Variants in DPP3 observed in about 807,000 individuals in gnomAD.
The protein encoded by DPP3 is dipeptidyl peptidase 3.
A neutral mutation model predicts 89.8 loss-of-function variants in DPP3; 64 were observed. The observed-to-expected ratio is 0.71, with a 90% confidence interval of 0.58 to 0.88. DPP3 has a LOEUF of 0.88. DPP3 is among the 40% of genes least tolerant of loss of function. The pLI, the probability that DPP3 is intolerant of heterozygous loss-of-function variation, is 0.00. For missense variants in DPP3, 835 were observed against 972.5 expected (o/e 0.86, Z 1.88); for synonymous variants, 377 against 404.3 (o/e 0.93, Z 0.81).
At chr11:66,508,975 T>C in intron 17 of DPP3, 104 bp from the exon 18 acceptor site, 1 of 1,451,710 alleles carries the variant, frequency 6.9e-7, no homozygotes, top group Non-Finnish European at 9.3e-7. Flanking sequence ...CAGAGCTCAG[T>C]AAGAAACAGC....
At chr11:66,492,974 CCA>C (rs1278797794) in intron 10 of DPP3, 64 bp downstream of exon 10, 30 of 1,599,120 alleles carry the variant, frequency 1.9e-5, no homozygotes, top group Non-Finnish European at 2.5e-5. Flanking sequence ...CCCTCCCTGT[CCA>C]CACACACACC....
chr11:66,500,447 G>C (rs1855650233), intron 16 of DPP3, among the ~76,000 whole-genome samples: 1 of 152,078 alleles, frequency 6.6e-6, no homozygotes, highest in Admixed American at 6.6e-5. Context: ...AGAGGAAAAT[G>C]AATAGCCCTT....
rs200403555 is a variant in DPP3, at chr11:66,495,261, G to A, written c.1445G>A (p.Gly482Asp). ...DQETVINPET[G>D]EQIQSWYRSG... ...GAAACAGTGATCAACCCAGAGACGG[G>A]CGAGCAGGTGAGGGAGGCCTCAGCA... The change falls in exon 13 of 18, where the codon GGC (glycine) becomes GAC (aspartate). Residue 482 changes from glycine to aspartate, a missense_variant. Gly to Asp is a moderately conservative substitution (Grantham distance 94). Coordinates refer to ENST00000531863, the MANE Select transcript of DPP3 (RefSeq NM_130443.4). The A allele has an allele frequency of 2.5e-6, 4 of 1,613,256 alleles. No homozygotes were observed. The Admixed American group carries it at 6.7e-5, about 27-fold the overall frequency.
At chr11:66,507,727 C>T (rs960742604) in intron 17 of DPP3, among the ~76,000 whole-genome samples, 1 of 150,312 alleles carries the variant, frequency 6.7e-6, no homozygotes, top group African/African-American at 2.4e-5. Flanking sequence ...CACTCTGTCC[C>T]GCAGGCAGTG....
intron 17 of DPP3, among the ~76,000 whole-genome samples, chr11:66,505,261 G>A (rs781487661): frequency 6.6e-6 from 1 of 152,172 alleles, no homozygotes; most frequent in African/African-American, 2.4e-5. Flanking sequence ...TGGCCACACG[G>A]TGCTTGTATC....
chr11:66,493,548 A>G lies in DPP3; in HGVS notation c.1304A>G (p.Tyr435Cys). The change falls in exon 12 of 18, where the codon TAC becomes TGC. Residue 435 changes from tyrosine to cysteine, a missense_variant. By Grantham distance (194) the Tyr-to-Cys change is radical. Transcript: ENST00000531863. ...TFLEEDDKDL[Y>C]ILWKGPSFDV... ...CTCTGCTTGTCTTGGCAGGACCTGT[A>G]CATCCTCTGGAAGGGGCCCTCCTTC... 5 of 1,613,088 alleles carry G rather than the reference A, an allele frequency of 3.1e-6. No homozygotes were observed. Among genetic ancestry groups the G allele is most frequent in the Non-Finnish European group, 4.2e-6 (5 of 1,179,896 alleles).
rs138010216 is a variant in DPP3, at chr11:66,491,724, G to A, written c.956G>A (p.Arg319His). The change falls in exon 9 of 18, where the codon CGC becomes CAC. Residue 319 changes from arginine (R) to histidine (H), a missense_variant. Arg to His is a conservative substitution (Grantham distance 29, BLOSUM62 0). Transcript: ENST00000531863. ...ESYIGFIESY[R>H]DPFGSRGEFE... Reference sequence around the variant, plus strand: ...TACATCGGGTTCATCGAGAGCTACCGCGACCCCTTTGGTTCCCGAGGAGAA... The same window carrying A: ...TACATCGGGTTCATCGAGAGCTACCACGACCCCTTTGGTTCCCGAGGAGAA... 12 of 1,604,922 alleles carry A rather than the reference G, an allele frequency of 7.5e-6. No individual in the cohort carries two copies. The African/African-American group carries it at 8.4e-5, about 11-fold the overall frequency.
intron 17 of DPP3, among the ~76,000 whole-genome samples, chr11:66,508,372 T>A (rs1855855592): frequency 6.6e-6 from 1 of 152,156 alleles, no homozygotes; most frequent in South Asian, 2.1e-4. Flanking sequence ...GCAGCTCCTT[T>A]ACAGATGAGG....
intron 15 of DPP3, 59 bp downstream of exon 15, chr11:66,495,809 C>T (rs963786453): frequency 1.9e-6 from 3 of 1,554,582 alleles, no homozygotes; most frequent in Non-Finnish European, 2.6e-6. Flanking sequence ...GTGCCAAGAT[C>T]AGGGTGCAAG....
intron 3 of DPP3, among the ~76,000 whole-genome samples, 180 bp downstream of exon 3, chr11:66,485,442 G>A (rs902790889): frequency 2.0e-5 from 3 of 152,182 alleles, no homozygotes; most frequent in Non-Finnish European, 4.4e-5. Flanking sequence ...CGGCCTCTTC[G>A]TGTATAAAGG....
At chr11:66,500,507 A>G (rs1855651597) in intron 16 of DPP3, among the ~76,000 whole-genome samples, 1 of 152,236 alleles carries the variant, frequency 6.6e-6, no homozygotes, top group African/African-American at 2.4e-5. Flanking sequence ...GGCAACCTCA[A>G]CCTAAACTGC....
At chr11:66,489,631 G>C (rs1672988314) in intron 6 of DPP3, among the ~76,000 whole-genome samples, 1 of 152,216 alleles carries the variant, frequency 6.6e-6, no homozygotes, top group Non-Finnish European at 1.5e-5. Flanking sequence ...CAAATTTAGT[G>C]ATACAAAACC....
At chr11:66,497,269 C>A (rs551864890) in intron 15 of DPP3, 29 bp from the exon 16 acceptor site, 2 of 1,605,972 alleles carry the variant, frequency 1.2e-6, no homozygotes, top group Admixed American at 1.7e-5. Context: ...ATACGGGCTA[C>A]AAATGCTGTC....
chr11:66,487,796 G>A, intron 5 of DPP3, 118 bp from the exon 6 acceptor site: 1 of 890,076 alleles, frequency 1.1e-6, no homozygotes, highest in Non-Finnish European at 1.7e-6. Flanking sequence ...AGCCAACCCA[G>A]AAGGCCCAGC....
chr11:66,482,269 C>T lies in DPP3; in HGVS notation c.69C>T (p.Phe23=), dbSNP rs1477346712. 3 of 1,614,220 alleles carry T rather than the reference C, an allele frequency of 1.9e-6. No individual in the cohort carries two copies. The highest frequency in any genetic ancestry group is 1.7e-6 in the Non-Finnish European group (2 of 1,180,036). The change falls in exon 2 of 18, where the codon TTC becomes TTT. Residue 23 remains phenylalanine (F), a synonymous_variant. Transcript: ENST00000531863. ...CTAGCCTGGACTGCCGTGAGGCCTT[C>T]CGCCTGCTGTCACCCACAGAGCGCC... ...GVSSLDCREA[F]RLLSPTERLY...
At chr11:66,490,393 C>T (rs1855346874) in intron 6 of DPP3, among the ~76,000 whole-genome samples, 1 of 152,190 alleles carries the variant, frequency 6.6e-6, no homozygotes, top group Non-Finnish European at 1.5e-5. Context: ...CAAGGCTGGG[C>T]CGCATTCCTT....
Position 66,491,573 on chromosome 11 carries a change from A to T in DPP3, c.878A>T (p.His293Leu). 6.2e-7 allele frequency: 1 copy of T among 1,613,958 alleles called. No homozygotes were observed. Among genetic ancestry groups the T allele is most frequent in the Non-Finnish European group, 8.5e-7 (1 of 1,179,900 alleles). ...TTCACCCAGGGCTCCATCGAGGCCC[A>T]CAAGAGGGGCTCCCGCTTCTGGATC... ...ESFTQGSIEA[H>L]KRGSRFWIQD... The change falls in exon 8 of 18, where the codon CAC becomes CTC. Residue 293 changes from histidine to leucine, a missense_variant. Transcript: ENST00000531863.
chr11:66,492,964 C>T, intron 10 of DPP3, 54 bp downstream of exon 10: 3 of 1,597,440 alleles, frequency 1.9e-6, no homozygotes, highest in South Asian at 1.1e-5. Context: ...TTAGAGTCGC[C>T]CCTCCCTGTC....
chr11:66,488,516 C>T (rs1193710779), intron 6 of DPP3, among the ~76,000 whole-genome samples: 1 of 148,002 alleles, frequency 6.8e-6, no homozygotes, highest in Non-Finnish European at 1.5e-5. Context: ...GAGCCGAGAT[C>T]TTACCACTGC....
Sources: allele counts gnomAD v4.1 joint callset (sites outside exome capture counted in the v4.1 genomes callset), GRCh38; gene constraint gnomAD v4.1.1; transcripts MANE v1.5; gene names NCBI Gene and HGNC (gene_info 2026-07-23, HGNC 2026-07-21).